The following CTNND2 variants were observed in gnomAD, a reference collection of about 807,000 sequenced individuals.
CTNND2 encodes catenin delta 2.
In CTNND2, 22 loss-of-function variants were observed where a neutral mutation model predicts 144.4. That is an observed-to-expected ratio of 0.15 (90% CI 0.11 to 0.22). The LOEUF (loss-of-function observed/expected upper bound fraction) is 0.22, where lower values mean the gene tolerates loss of function less well. Among genes scored for constraint, CTNND2 ranks in the 10% least tolerant of loss-of-function variants. CTNND2 has a pLI of 1.00. For missense variants in CTNND2, 1,353 were observed against 1,618.8 expected (o/e 0.84, Z 2.82); for synonymous variants, 751 against 695.6 (o/e 1.08, Z -1.25).
chr5:11,390,221 C>T (rs909959566), intron 6 of CTNND2, among the ~76,000 whole-genome samples: 2 of 152,112 alleles, frequency 1.3e-5, no homozygotes, highest in Non-Finnish European at 2.9e-5. Flanking sequence ...TACTATCTGG[C>T]CACAATTAAG....
chr5:11,310,848 T>C (rs1750724428), intron 9 of CTNND2, among the ~76,000 whole-genome samples: 1 of 133,976 alleles, frequency 7.5e-6, no homozygotes, highest in Admixed American at 7.7e-5. Flanking sequence ...AACCCACACG[T>C]ACTTACACTC....
rs1257746303 is a variant in CTNND2, at chr5:11,339,335, G to A, written c.1628+7037C>T. 2.6e-5 allele frequency among the ~76,000 whole-genome samples: 4 copies of A among 152,046 alleles called. No homozygotes were observed. The East Asian group carries it at 7.7e-4, about 29-fold the overall frequency. ...TTTCAAAGTTGTGTGAGAGGGAAAGGGACATCTACAAATGACCATCATGCT... is the reference window on the plus strand; with the variant it reads ...TTTCAAAGTTGTGTGAGAGGGAAAGAGACATCTACAAATGACCATCATGCT... On this transcript the variant is annotated intron_variant, in intron 9 of 21. Coordinates refer to ENST00000304623, the MANE Select transcript of CTNND2 (RefSeq NM_001332.4).
At chr5:11,192,432 A>G (rs1430415416) in intron 11 of CTNND2, among the ~76,000 whole-genome samples, 1 of 152,192 alleles carries the variant, frequency 6.6e-6, no homozygotes, top group Non-Finnish European at 1.5e-5. Context: ...GCTCCTTTAC[A>G]TGGCAAAAGG....
At chr5:11,760,779 G>A (rs1339593343) in intron 1 of CTNND2, among the ~76,000 whole-genome samples, 3 of 118,592 alleles carry the variant, frequency 2.5e-5, no homozygotes, top group Non-Finnish European at 3.5e-5. Context: ...AAAATAAAAC[G>A]AATACAGCAT....
chr5:11,027,294 C>T (rs567324713), intron 16 of CTNND2: 56 of 152,136 alleles, frequency 3.7e-4, no homozygotes, highest in Non-Finnish European at 6.2e-4. Context: ...ATTTGTGAGG[C>T]GTTCCATCTT....
intron 1 of CTNND2, among the ~76,000 whole-genome samples, chr5:11,803,621 T>C (rs1229163630): frequency 1.3e-5 from 2 of 152,174 alleles, no homozygotes; most frequent in Non-Finnish European, 1.5e-5. Flanking sequence ...CCTCTGCCTG[T>C]CACATGTGAC....
intron 7 of CTNND2, among the ~76,000 whole-genome samples, chr5:11,375,948 A>G (rs1757885087): frequency 6.6e-6 from 1 of 152,104 alleles, no homozygotes; most frequent in Non-Finnish European, 1.5e-5. Flanking sequence ...GAAAGCTAAC[A>G]CCCAGTGTGA....
chr5:11,117,508 G>A lies in CTNND2; in HGVS notation c.2219C>T (p.Thr740Met), dbSNP rs781426065. Residue 740 changes from threonine (T) to methionine (M), a missense_variant, in exon 13 of 22, where the codon ACG becomes ATG. Physicochemically the swap from Thr to Met is moderately conservative, Grantham distance 81. Coordinates refer to ENST00000304623, the MANE Select transcript of CTNND2 (RefSeq NM_001332.4). ...CTGGATCACGTACAGCAAGGCATCC[G>A]TAAGCCCATCACACTCTCTCATCCT... ...RRRMRECDGLTDALLYVIQSA... is the reference protein window; with the variant it reads ...RRRMRECDGLMDALLYVIQSA... The A allele has an allele frequency of 1.3e-5, 21 of 1,614,116 alleles. No homozygotes were observed. The highest frequency in any genetic ancestry group is 2.2e-5 in the East Asian group (1 of 44,866).
intron 3 of CTNND2, among the ~76,000 whole-genome samples, chr5:11,522,576 G>A (rs1199420918): frequency 1.3e-5 from 2 of 152,156 alleles, no homozygotes; most frequent in African/African-American, 4.8e-5. Flanking sequence ...TCACAATGAT[G>A]ATTTGCTATA....
At chr5:11,774,126 C>T (rs72734987) in intron 1 of CTNND2, among the ~76,000 whole-genome samples, 81 of 152,048 alleles carry the variant, frequency 5.3e-4, no homozygotes, top group Middle Eastern at 3.4e-3. Flanking sequence ...TGACAGTTTG[C>T]CACATTTATT....
intron 2 of CTNND2, among the ~76,000 whole-genome samples, chr5:11,639,314 C>A (rs919588101): frequency 6.6e-6 from 1 of 152,160 alleles, no homozygotes. Flanking sequence ...TCCATACCAG[C>A]AGCTTTGGCC....
intron 16 of CTNND2, among the ~76,000 whole-genome samples, chr5:11,042,829 A>T (rs997650373): frequency 6.6e-6 from 1 of 152,154 alleles, no homozygotes; most frequent in African/African-American, 2.4e-5. Context: ...CCATCACTTC[A>T]TCTCTTTTCC....
chr5:11,017,887 G>T, intron 18 of CTNND2, 87 bp downstream of exon 18: 1 of 998,058 alleles, frequency 1.0e-6, no homozygotes. Flanking sequence ...GACTGAGGCT[G>T]TGGGAAAGTG....
At chr5:11,073,257 G>A (rs965203366) in intron 16 of CTNND2, among the ~76,000 whole-genome samples, 1 of 152,126 alleles carries the variant, frequency 6.6e-6, no homozygotes, top group African/African-American at 2.4e-5. Context: ...TCCTGCAAAC[G>A]TCTATTTTCT....
intron 2 of CTNND2, among the ~76,000 whole-genome samples, chr5:11,647,939 C>T (rs377016421): frequency 9.2e-5 from 14 of 152,326 alleles, no homozygotes; most frequent in African/African-American, 3.4e-4. Context: ...CGGACAGAGT[C>T]ACGGACAGAC....
At chr5:11,296,307 G>T (rs1408776796) in intron 9 of CTNND2, among the ~76,000 whole-genome samples, 2 of 151,912 alleles carry the variant, frequency 1.3e-5, no homozygotes. Context: ...CAGTTAGAAT[G>T]GTGATCATTA....
chr5:11,159,365 CT>C (rs1207071091), intron 12 of CTNND2, among the ~76,000 whole-genome samples: 6 of 152,178 alleles, frequency 3.9e-5, no homozygotes, highest in African/African-American at 1.4e-4. Flanking sequence ...TGAAGTAAGT[CT>C]AACATTAATT....
intron 1 of CTNND2, among the ~76,000 whole-genome samples, chr5:11,886,395 T>C (rs982947909): frequency 6.6e-6 from 1 of 152,112 alleles, no homozygotes; most frequent in Admixed American, 6.6e-5. Flanking sequence ...CAAAGGGTCA[T>C]TCAAGACTAC....
At chr5:11,675,235 A>G (rs1210143376) in intron 2 of CTNND2, among the ~76,000 whole-genome samples, 1 of 152,196 alleles carries the variant, frequency 6.6e-6, no homozygotes, top group African/African-American at 2.4e-5. Flanking sequence ...AATCAGGTAA[A>G]CTAATGTATA....
Sources: gnomAD v4.1 joint callset for allele counts (sites outside exome capture counted in the v4.1 genomes callset) on GRCh38, gnomAD v4.1.1 for gene constraint, MANE v1.5 for transcripts, NCBI Gene and HGNC (gene_info 2026-07-23, HGNC 2026-07-21) for gene names.